QTMAN: variants seen among roughly 807,000 people sequenced by gnomAD.
QTMAN encodes queuosine-tRNA mannosyltransferase, also known as tRNA-queuosine alpha-mannosyltransferase.
At chr2:144,080,740 C>T in the QTMAN span, among the ~76,000 whole-genome samples, 2 of 152,082 alleles carry the variant, frequency 1.3e-5, no homozygotes, top group Non-Finnish European at 2.9e-5. Context: ...TAAAGTGATG[C>T]TGTGATTCTG....
the QTMAN span, among the ~76,000 whole-genome samples, chr2:144,033,138 G>GT: frequency 6.6e-6 from 1 of 152,166 alleles, no homozygotes; most frequent in African/African-American, 2.4e-5. Context: ...CCAAATGTGT[G>GT]TTTTTTCTCC....
chr2:144,017,985 G>A, the QTMAN span, among the ~76,000 whole-genome samples: 1 of 151,850 alleles, frequency 6.6e-6, no homozygotes, highest in African/African-American at 2.4e-5. Context: ...TTGTATTCAC[G>A]CCTAGAGATA....
chr2:144,257,712 T>C, the QTMAN span, among the ~76,000 whole-genome samples: 1 of 152,194 alleles, frequency 6.6e-6, no homozygotes, highest in African/African-American at 2.4e-5. Context: ...GCATCTAACA[T>C]CACACTTTTT....
At chr2:144,288,665 G>C in the QTMAN span, among the ~76,000 whole-genome samples, 60 of 152,088 alleles carry the variant, frequency 3.9e-4, no homozygotes, top group Non-Finnish European at 1.5e-5. Context: ...GTCTTCCAAG[G>C]CCTGCAAACT....
the QTMAN span, among the ~76,000 whole-genome samples, chr2:144,172,907 C>A: frequency 1.3e-5 from 2 of 152,046 alleles, no homozygotes; most frequent in African/African-American, 4.8e-5. Flanking sequence ...TAACCTAATG[C>A]TCCAAATGAA....
At chr2:144,287,201 C>T in the QTMAN span, among the ~76,000 whole-genome samples, 1 of 152,162 alleles carries the variant, frequency 6.6e-6, no homozygotes, top group African/African-American at 2.4e-5. Flanking sequence ...CTTTGGGAGG[C>T]CAAAGCGGGC....
chr2:144,027,871 AG>A, the QTMAN span, among the ~76,000 whole-genome samples: 12 of 152,200 alleles, frequency 7.9e-5, no homozygotes, highest in African/African-American at 2.9e-4. Flanking sequence ...CACTGATATC[AG>A]CTCGAGTTCT....
chr2:143,973,513 G>A, the QTMAN span, among the ~76,000 whole-genome samples: 3 of 151,962 alleles, frequency 2.0e-5, no homozygotes, highest in Non-Finnish European at 2.9e-5. Context: ...GAAATTGGCC[G>A]GGCGCGGTGG....
At chr2:144,239,525 C>A in the QTMAN span, among the ~76,000 whole-genome samples, 1 of 152,156 alleles carries the variant, frequency 6.6e-6, no homozygotes. Flanking sequence ...TTGACCCATT[C>A]CTTCCTCCCT....
chr2:144,008,431 G>C, the QTMAN span, among the ~76,000 whole-genome samples: 7,469 of 152,012 alleles, frequency 0.049, 292 homozygotes, highest in African/African-American at 0.1. Context: ...GGGAAGCTCT[G>C]GAGTCAGAGA....
chr2:144,075,925 G>A, the QTMAN span, among the ~76,000 whole-genome samples: 10 of 152,242 alleles, frequency 6.6e-5, no homozygotes, highest in African/African-American at 2.4e-4. Flanking sequence ...ATAGGCAACT[G>A]CTCTGTCAAA....
the QTMAN span, among the ~76,000 whole-genome samples, chr2:144,296,280 T>A: frequency 6.6e-6 from 1 of 152,228 alleles, no homozygotes; most frequent in Admixed American, 6.5e-5. Flanking sequence ...ACTAAAATCA[T>A]GTCATTTATC....
chr2:144,327,976 G>T, the QTMAN span, among the ~76,000 whole-genome samples: 1 of 152,098 alleles, frequency 6.6e-6, no homozygotes, highest in East Asian at 1.9e-4. Context: ...TTTGGAGATG[G>T]AGTCCCACTC....
the QTMAN span, among the ~76,000 whole-genome samples, chr2:144,133,476 TAA>T: frequency 9.9e-5 from 8 of 80,464 alleles, no homozygotes; most frequent in African/African-American, 4.1e-4. Context: ...ATATATTATA[TAA>T]TATATAAAAT....
At chr2:144,160,223 G>A in the QTMAN span, among the ~76,000 whole-genome samples, 1 of 151,974 alleles carries the variant, frequency 6.6e-6, no homozygotes, top group African/African-American at 2.4e-5. Flanking sequence ...TCTCATGCAA[G>A]AAAAAAGAGT....
chr2:143,988,942 A>G, the QTMAN span, among the ~76,000 whole-genome samples: 4 of 152,194 alleles, frequency 2.6e-5, no homozygotes, highest in African/African-American at 9.7e-5. Context: ...ATGCCCTTTT[A>G]GGGTCACAGT....
At chr2:144,239,442 T>G in the QTMAN span, among the ~76,000 whole-genome samples, 2 of 152,276 alleles carry the variant, frequency 1.3e-5, no homozygotes, top group South Asian at 4.2e-4. Flanking sequence ...ATGTAAGGTT[T>G]TCTATGACAT....
the QTMAN span, chr2:144,208,728 C>T: frequency 6.2e-7 from 1 of 1,613,778 alleles, no homozygotes; most frequent in Non-Finnish European, 8.5e-7. Context: ...GAAGAAGATC[C>T]ACCAGCTGTT....
the QTMAN span, among the ~76,000 whole-genome samples, chr2:143,959,150 A>C: frequency 0.098 from 14,880 of 151,926 alleles, 1,076 homozygotes; most frequent in African/African-American, 0.2. Flanking sequence ...AATCAATGTA[A>C]CTTTTAAGAT....
Sources: gnomAD v4.1 joint callset for allele counts (sites outside exome capture counted in the v4.1 genomes callset) on GRCh38, gnomAD v4.1.1 for gene constraint, MANE v1.5 for transcripts, NCBI Gene and HGNC (gene_info 2026-07-23, HGNC 2026-07-21) for gene names.